CTDSPL2: variants seen among roughly 807,000 people sequenced by gnomAD.
CTDSPL2 encodes CTD small phosphatase-like protein 2.
A neutral mutation model predicts 60.0 loss-of-function variants in CTDSPL2; 5 were observed. The ratio of observed to expected loss-of-function variants is 0.08; its 90% CI spans 0.04 to 0.18. The LOEUF (loss-of-function observed/expected upper bound fraction) is 0.18, where lower values mean the gene tolerates loss of function less well. Among genes scored for constraint, CTDSPL2 ranks in the 10% least tolerant of loss-of-function variants. The pLI, the probability that CTDSPL2 is intolerant of heterozygous loss-of-function variation, is 1.00. For synonymous variants in CTDSPL2, 186 were observed against 189.3 expected (o/e 0.98, Z 0.14); for missense variants, 370 against 548.8 (o/e 0.67, Z 3.26).
chr15:44,477,058 T>C (rs924805896), intron 2 of CTDSPL2, among the ~76,000 whole-genome samples: 2 of 152,158 alleles, frequency 1.3e-5, no homozygotes, highest in African/African-American at 4.8e-5. Context: ...ACCTCGTCTT[T>C]TCAAAAACTT....
intron 8 of CTDSPL2, among the ~76,000 whole-genome samples, chr15:44,506,025 C>CTTTTTTTTTTTT (rs753896129): frequency 6.8e-5 from 8 of 117,578 alleles, no homozygotes; most frequent in East Asian, 2.7e-4. Flanking sequence ...TCATTGGTAA[C>CTTTTTTTTTTTT]TTTTTTTTTT....
At chr15:44,432,746 A>C (rs150862737) in intron 1 of CTDSPL2, among the ~76,000 whole-genome samples, 1 of 151,250 alleles carries the variant, frequency 6.6e-6, no homozygotes, top group African/African-American at 2.4e-5. Context: ...CAGTCCCCCG[A>C]ATAGCTGGCA....
rs947236367 is a variant in CTDSPL2 at position 44,525,466 on chromosome 15, A to G, written c.*1292A>G. ...GAAGGTAGAATTTGTAAAAGTTCGT[A>G]TGCTTTGCCTCTCAACTGCATTAAC... is the stretch of plus-strand genomic sequence containing the variant. On this transcript the variant is annotated 3_prime_UTR_variant, in exon 13 of 13. Transcript: ENST00000260327. 6 of 398,826 alleles carry G rather than the reference A, an allele frequency of 1.5e-5. No homozygotes were observed. Among genetic ancestry groups the G allele is most frequent in the Non-Finnish European group, 2.2e-5 (5 of 225,992 alleles). 24.7% of individuals were successfully genotyped at this position (398,826 alleles called of 1,614,324 possible). A position where few individuals can be genotyped will look rare whatever the true frequency, so the allele number is the denominator to read the frequency against.
chr15:44,493,936 T>C (rs1327230556), intron 5 of CTDSPL2, among the ~76,000 whole-genome samples: 1 of 152,232 alleles, frequency 6.6e-6, no homozygotes, highest in Non-Finnish European at 1.5e-5. Flanking sequence ...CTGCTTTACA[T>C]CTGATGTCAT....
At chr15:44,452,298 A>T (rs1267969034) in intron 1 of CTDSPL2, among the ~76,000 whole-genome samples, 2 of 152,126 alleles carry the variant, frequency 1.3e-5, no homozygotes, top group African/African-American at 4.8e-5. Flanking sequence ...TGATGTTATT[A>T]AATATGTATT....
intron 2 of CTDSPL2, among the ~76,000 whole-genome samples, chr15:44,474,329 A>G (rs955433319): frequency 1.3e-5 from 2 of 152,106 alleles, no homozygotes; most frequent in Non-Finnish European, 2.9e-5. Context: ...TATCTCTAAT[A>G]AAGTACAAGA....
At chr15:44,444,061 A>C (rs1442136279) in intron 1 of CTDSPL2, among the ~76,000 whole-genome samples, 2 of 151,612 alleles carry the variant, frequency 1.3e-5, no homozygotes, top group Non-Finnish European at 2.9e-5. Context: ...GTGCACCATC[A>C]TGCCTGGCTA....
intron 1 of CTDSPL2, among the ~76,000 whole-genome samples, chr15:44,444,299 C>CCACA (rs1466728151): frequency 8.2e-6 from 1 of 122,292 alleles, no homozygotes; most frequent in East Asian, 2.1e-4. Context: ...TGAGCTTTTC[C>CCACA]CATACACACA....
At chr15:44,492,658 A>T (rs950209777) in intron 5 of CTDSPL2, among the ~76,000 whole-genome samples, 1 of 152,234 alleles carries the variant, frequency 6.6e-6, no homozygotes, top group African/African-American at 2.4e-5. Context: ...AGTAATACCA[A>T]CGTGAAGAGA....
rs528853659 is a variant in CTDSPL2 at position 44,458,578 on chromosome 15, T to TA, written c.-24-413_-24-412insA. Among the ~76,000 whole-genome samples, 59 of 152,340 alleles carry TA rather than the reference T, an allele frequency of 3.9e-4. No individual in the cohort carries two copies. The South Asian group carries it at 0.011, about 28-fold the overall frequency. On this transcript the variant is annotated intron_variant, in intron 1 of 12. Transcript: ENST00000260327. ...AGTTACAGAAAAGCAAAACCTTTCCTTATCTTGTTTACTATTTACTCAATT... is the reference window on the plus strand; with the variant it reads ...AGTTACAGAAAAGCAAAACCTTTCCTATATCTTGTTTACTATTTACTCAATT...
chr15:44,510,939 C>T (rs1033555644), intron 8 of CTDSPL2, among the ~76,000 whole-genome samples: 1 of 152,206 alleles, frequency 6.6e-6, no homozygotes, highest in African/African-American at 2.4e-5. Flanking sequence ...TCTGTTCACG[C>T]TTACCTATAT....
In CTDSPL2 at chr15:44,525,256, G is replaced by A. The variant is rs2081854326; in HGVS notation, c.*1082G>A. ...TGTATAACAGTCTTGGTACCTAACA[G>A]TAGCTATGCATAATCCTGTGGCACA... On this transcript the variant is annotated 3_prime_UTR_variant, in exon 13 of 13. Coordinates refer to ENST00000260327, the MANE Select transcript of CTDSPL2 (RefSeq NM_016396.3). 1 of 396,590 alleles carries A rather than the reference G, an allele frequency of 2.5e-6. No individual in the cohort carries two copies. The highest frequency in any genetic ancestry group is 4.4e-6 in the Non-Finnish European group (1 of 224,846). The allele number at this position is 396,590 out of a possible 1,614,324, so 24.6% of individuals were successfully genotyped here. A position where few individuals can be genotyped will look rare whatever the true frequency, so the allele number is the denominator to read the frequency against.
chr15:44,509,453 CG>C (rs1481647423), intron 8 of CTDSPL2, among the ~76,000 whole-genome samples: 3 of 152,076 alleles, frequency 2.0e-5, no homozygotes, highest in African/African-American at 7.2e-5. Context: ...GTGATCCGCC[CG>C]CCTTGGCCTC....
intron 8 of CTDSPL2, among the ~76,000 whole-genome samples, chr15:44,506,024 A>C (rs2081455996): frequency 7.3e-6 from 1 of 137,284 alleles, no homozygotes; most frequent in Non-Finnish European, 1.6e-5. Flanking sequence ...TTCATTGGTA[A>C]CTTTTTTTTT....
At chr15:44,449,616 C>A (rs986816252) in intron 1 of CTDSPL2, among the ~76,000 whole-genome samples, 1 of 152,098 alleles carries the variant, frequency 6.6e-6, no homozygotes, top group African/African-American at 2.4e-5. Context: ...GAGGTGTGAG[C>A]CACCACGCCT....
intron 1 of CTDSPL2, among the ~76,000 whole-genome samples, chr15:44,433,949 G>T (rs1411393031): frequency 7.4e-6 from 1 of 134,754 alleles, no homozygotes; most frequent in Non-Finnish European, 1.5e-5. Context: ...CAAGACTCTC[G>T]TCTCAAAAAA....
At chr15:44,501,578 G>C (rs147409046) in intron 8 of CTDSPL2, among the ~76,000 whole-genome samples, 1 of 152,142 alleles carries the variant, frequency 6.6e-6, no homozygotes, top group Non-Finnish European at 1.5e-5. Context: ...TTAAAATACT[G>C]TATGTATGTA....
At chr15:44,496,515 T>C in intron 6 of CTDSPL2, 57 bp downstream of exon 6, 3 of 1,296,436 alleles carry the variant, frequency 2.3e-6, no homozygotes, top group Non-Finnish European at 3.3e-6. Flanking sequence ...GAGAGTACGT[T>C]ATATATGTGG....
chr15:44,515,798 G>A (rs1476302039), intron 10 of CTDSPL2, among the ~76,000 whole-genome samples: 7 of 151,540 alleles, frequency 4.6e-5, no homozygotes, highest in Non-Finnish European at 1.0e-4. Flanking sequence ...GCTTGAACCC[G>A]GAAGGCGGAG....
Sources: gnomAD v4.1 joint callset for allele counts (sites outside exome capture counted in the v4.1 genomes callset) on GRCh38, gnomAD v4.1.1 for gene constraint, MANE v1.5 for transcripts, NCBI Gene and HGNC (gene_info 2026-07-23, HGNC 2026-07-21) for gene names.